Variants in ATP6V1C1 observed in about 807,000 individuals in gnomAD.
ATP6V1C1 encodes the protein V-type proton ATPase subunit C 1.
In ATP6V1C1, 45 loss-of-function variants were observed where a neutral mutation model predicts 53.9. That is an observed-to-expected ratio of 0.83 (90% CI 0.66 to 1.07). The LOEUF (loss-of-function observed/expected upper bound fraction) is 1.07, where lower values mean the gene tolerates loss of function less well. ATP6V1C1 is among the 50% of genes least tolerant of loss of function. ATP6V1C1 has a pLI of 0.00. For synonymous variants in ATP6V1C1, 153 were observed against 155.2 expected (o/e 0.99, Z 0.11); for missense variants, 315 against 440.3 (o/e 0.72, Z 2.55).
At chr8:103,059,871 C>G (rs918774391) in intron 8 of ATP6V1C1, among the ~76,000 whole-genome samples, 29 of 84,732 alleles carry the variant, frequency 3.4e-4, no homozygotes, top group Admixed American at 3.2e-3. Flanking sequence ...CTGCCTGCCC[C>G]CAGCACGCAC....
intron 1 of ATP6V1C1, among the ~76,000 whole-genome samples, chr8:103,036,145 G>A (rs137915104): frequency 2.0e-5 from 3 of 152,326 alleles, no homozygotes; most frequent in African/African-American, 7.2e-5. Context: ...TTTTCTCCTA[G>A]TGTGACACAA....
rs1198849560 is a variant in ATP6V1C1 at position 103,066,387 on chromosome 8, G to T, written c.993G>T (p.Leu331=). The change falls in exon 12 of 13, where the codon CTG becomes CTT. Residue 331 remains leucine (L), a synonymous_variant. Coordinates refer to ENST00000518738, the MANE Select transcript of ATP6V1C1 (RefSeq NM_001695.5). ...LQPNKKTLKK[L]REVLHELYKH... Reference sequence around the variant, plus strand: ...CCAATAAGAAAACTTTGAAGAAACTGAGAGAAGTATTACATGAATTGTATA... The same window carrying T: ...CCAATAAGAAAACTTTGAAGAAACTTAGAGAAGTATTACATGAATTGTATA... The T allele has an allele frequency of 6.2e-7, 1 of 1,613,414 alleles. No homozygotes were observed. The highest frequency in any genetic ancestry group is 1.7e-5 in the Admixed American group (1 of 59,834).
intron 8 of ATP6V1C1, among the ~76,000 whole-genome samples, chr8:103,061,203 C>A (rs1190027734): frequency 6.6e-6 from 1 of 152,146 alleles, no homozygotes; most frequent in Admixed American, 6.5e-5. Flanking sequence ...TACAGTTTAA[C>A]AGGAGGTTCT....
intron 1 of ATP6V1C1, among the ~76,000 whole-genome samples, chr8:103,032,945 A>G (rs1403549115): frequency 2.0e-5 from 3 of 152,250 alleles, no homozygotes; most frequent in African/African-American, 7.2e-5. Flanking sequence ...CCAAATGTTC[A>G]TCAACTGGTG....
At position 103,072,374 on chromosome 8, in the gene ATP6V1C1, G is replaced by A. The variant is rs1817600876; in HGVS notation, c.*3627G>A. ...AGAAATCAAAGTAGCATATGCACAA[G>A]GTTAAAAACCACATATACAAATACT... On this transcript the variant is annotated 3_prime_UTR_variant, in exon 13 of 13. Coordinates refer to ENST00000518738, the MANE Select transcript of ATP6V1C1 (RefSeq NM_001695.5). The A allele has an allele frequency of 6.6e-6, 1 of 152,140 alleles. No homozygotes were observed. Among genetic ancestry groups the A allele is most frequent in the African/African-American group, 2.4e-5 (1 of 41,432 alleles). The allele number at this position is 152,140 out of a possible 1,614,324, so 9.4% of individuals were successfully genotyped here. A position where few individuals can be genotyped will look rare whatever the true frequency, so the allele number is the denominator to read the frequency against.
intron 8 of ATP6V1C1, among the ~76,000 whole-genome samples, chr8:103,056,580 C>T (rs1464805574): frequency 1.3e-5 from 2 of 152,178 alleles, no homozygotes; most frequent in African/African-American, 4.8e-5. Flanking sequence ...TAAATAGTTG[C>T]CTGAGGCATA....
At position 103,072,239 on chromosome 8, in the gene ATP6V1C1, A is replaced by G. The variant is rs1305572091; in HGVS notation, c.*3492A>G. On this transcript the variant is annotated 3_prime_UTR_variant, in exon 13 of 13. Coordinates refer to ENST00000518738, the MANE Select transcript of ATP6V1C1 (RefSeq NM_001695.5). Reference sequence around the variant, plus strand: ...CTTTGTACATAACAAATACTCAGCAAATGTGAAACTTTATTTGCTCTTACT... The same window carrying G: ...CTTTGTACATAACAAATACTCAGCAGATGTGAAACTTTATTTGCTCTTACT... 6.6e-6 allele frequency: 1 copy of G among 152,226 alleles called. No homozygotes were observed. Among genetic ancestry groups the G allele is most frequent in the Non-Finnish European group, 1.5e-5 (1 of 68,038 alleles). 9.4% of individuals were successfully genotyped at this position (152,226 alleles called of 1,614,324 possible). A position where few individuals can be genotyped will look rare whatever the true frequency, so the allele number is the denominator to read the frequency against.
intron 1 of ATP6V1C1, among the ~76,000 whole-genome samples, chr8:103,025,656 C>A (rs1215185163): frequency 6.6e-6 from 1 of 152,172 alleles, no homozygotes; most frequent in Non-Finnish European, 1.5e-5. Context: ...AAAATGTAGT[C>A]ACTAAATGTC....
intron 2 of ATP6V1C1, among the ~76,000 whole-genome samples, chr8:103,041,546 G>A (rs555519868): frequency 7.9e-5 from 12 of 152,218 alleles, no homozygotes; most frequent in Admixed American, 4.6e-4. Context: ...TGAGGGAGTC[G>A]TAGGCAGCAT....
chr8:103,037,354 TAAAA>T (rs934126182), intron 1 of ATP6V1C1, among the ~76,000 whole-genome samples: 1 of 150,910 alleles, frequency 6.6e-6, no homozygotes, highest in Non-Finnish European at 1.5e-5. Context: ...TAAAAATAAT[TAAAA>T]AAAAAGAGAG....
intron 9 of ATP6V1C1, 31 bp downstream of exon 9, chr8:103,063,078 TTG>T: frequency 6.2e-7 from 1 of 1,612,270 alleles, no homozygotes; most frequent in Non-Finnish European, 8.5e-7. Flanking sequence ...TTTATTTACT[TTG>T]TTAGATCAGC....
intron 1 of ATP6V1C1, among the ~76,000 whole-genome samples, chr8:103,034,569 ATTT>A (rs3837181): frequency 7.9e-5 from 11 of 139,416 alleles, no homozygotes; most frequent in African/African-American, 1.1e-4. Flanking sequence ...TTCAAGGATA[ATTT>A]TTTTTTTTTT....
intron 3 of ATP6V1C1, among the ~76,000 whole-genome samples, chr8:103,044,485 C>T (rs1817060254): frequency 1.3e-5 from 2 of 152,124 alleles, no homozygotes; most frequent in Non-Finnish European, 2.9e-5. Flanking sequence ...GTTGAAAAGA[C>T]TGTTTTTTCC....
chr8:103,028,362 T>C (rs1434298454), intron 1 of ATP6V1C1, among the ~76,000 whole-genome samples: 2 of 152,112 alleles, frequency 1.3e-5, no homozygotes, highest in Non-Finnish European at 2.9e-5. Flanking sequence ...ACAGTGAAGA[T>C]TGGCAGATTT....
chr8:103,021,355 G>A (rs1816582346), intron 1 of ATP6V1C1, 130 bp downstream of exon 1: 1 of 152,888 alleles, frequency 6.5e-6, no homozygotes, highest in South Asian at 2.1e-4. Flanking sequence ...GGAGCTGGCT[G>A]GGTGGCTGTG....
chr8:103,061,282 G>A (rs1817391198), intron 8 of ATP6V1C1, among the ~76,000 whole-genome samples: 1 of 152,128 alleles, frequency 6.6e-6, no homozygotes, highest in African/African-American at 2.4e-5. Flanking sequence ...GGAGGTGTCT[G>A]CTGGTCATAC....
rs1817599799 is a variant in ATP6V1C1 at position 103,072,297 on chromosome 8, A to G, written c.*3550A>G. On this transcript the variant is annotated 3_prime_UTR_variant, in exon 13 of 13. Coordinates refer to ENST00000518738, the MANE Select transcript of ATP6V1C1 (RefSeq NM_001695.5). ...TAGTCCAAAATGTTGGAAATAAAAT[A>G]TAAGACATTGATCTAGATATGAGGT... is the stretch of plus-strand genomic sequence containing the variant. 1 of 152,240 alleles carries G rather than the reference A, an allele frequency of 6.6e-6. No homozygotes were observed. The highest frequency in any genetic ancestry group is 1.5e-5 in the Non-Finnish European group (1 of 68,034). 9.4% of individuals were successfully genotyped at this position (152,240 alleles called of 1,614,324 possible). A position where few individuals can be genotyped will look rare whatever the true frequency, so the allele number is the denominator to read the frequency against.
At chr8:103,021,958 G>C (rs770247832) in intron 1 of ATP6V1C1, among the ~76,000 whole-genome samples, 1 of 152,174 alleles carries the variant, frequency 6.6e-6, no homozygotes, top group South Asian at 2.1e-4. Context: ...ACATGCTTCA[G>C]TGCGAGCCCA....
intron 2 of ATP6V1C1, among the ~76,000 whole-genome samples, chr8:103,041,602 T>C (rs1165948017): frequency 3.9e-5 from 6 of 152,232 alleles, no homozygotes; most frequent in Admixed American, 3.9e-4. Flanking sequence ...TGGGGCATCA[T>C]GGCTCACACC....
Sources: allele counts gnomAD v4.1 joint callset (sites outside exome capture counted in the v4.1 genomes callset), GRCh38; gene constraint gnomAD v4.1.1; transcripts MANE v1.5; gene names NCBI Gene and HGNC (gene_info 2026-07-23, HGNC 2026-07-21).